SPEF2: variants seen among roughly 807,000 people sequenced by gnomAD.
The protein encoded by SPEF2 is sperm flagella and cilia-associated protein 2.
In SPEF2, 187 loss-of-function variants were observed where a neutral mutation model predicts 224.6. The ratio of observed to expected loss-of-function variants is 0.83; its 90% CI spans 0.74 to 0.94. The LOEUF (loss-of-function observed/expected upper bound fraction) is 0.94, where lower values mean the gene tolerates loss of function less well. Ranked by LOEUF, SPEF2 falls within the 40% of genes least tolerant of loss-of-function variation. The pLI is 0.00. For synonymous variants in SPEF2, 715 were observed against 707.3 expected (o/e 1.01, Z -0.17); for missense variants, 2,170 against 2,135.6 (o/e 1.02, Z -0.32).
In SPEF2 at chr5:35,814,339, A is replaced by C. The variant is rs1758708849; in HGVS notation, c.5380-125A>C. The C allele has an allele frequency of 1.1e-5, 5 of 468,750 alleles. No homozygotes were observed. The South Asian group carries it at 4.1e-4, about 38-fold the overall frequency. 29.0% of individuals were successfully genotyped at this position (468,750 alleles called of 1,614,324 possible). ...AAATGGAGAAATTTGCTCAGTGGAA[A>C]AAAAGAAATAAAAACTGTTTAATGG... On this transcript the variant is annotated intron_variant, in intron 36 of 36. Transcript: ENST00000356031.
chr5:35,655,190 G>T (rs1465892483), intron 7 of SPEF2, among the ~76,000 whole-genome samples: 1 of 152,136 alleles, frequency 6.6e-6, no homozygotes, highest in African/African-American at 2.4e-5. Flanking sequence ...CACCAGCATT[G>T]CTTGGGACTT....
In SPEF2 at chr5:35,704,580, C is replaced by T; in HGVS notation, c.2425C>T (p.His809Tyr). ...IAEELSYKTA[H>Y]EDISQRVAAE... is the part of the protein sequence containing the mutation. ...TGAAGAATTGTCCTATAAAACTGCT[C>T]ACGAAGATATCAGTCAACGTGTAGC... The change falls in exon 17 of 37, where the codon CAC (histidine) becomes TAC (tyrosine). Residue 809 changes from histidine to tyrosine, a missense_variant. Coordinates refer to ENST00000356031, the MANE Select transcript of SPEF2 (RefSeq NM_024867.4). 1 of 1,612,200 alleles carries T rather than the reference C, an allele frequency of 6.2e-7. No homozygotes were observed.
At chr5:35,689,849 T>G (rs1052444274) in intron 10 of SPEF2, among the ~76,000 whole-genome samples, 1 of 152,168 alleles carries the variant, frequency 6.6e-6, no homozygotes, top group Non-Finnish European at 1.5e-5. Context: ...TTTTTCCTAT[T>G]ATGTTACAAC....
intron 8 of SPEF2, among the ~76,000 whole-genome samples, chr5:35,665,626 A>G (rs1750365822): frequency 6.6e-6 from 1 of 151,342 alleles, no homozygotes; most frequent in African/African-American, 2.4e-5. Flanking sequence ...TAGTAAACCA[A>G]CCTCATGATC....
rs573695931 is a variant in SPEF2 at position 35,665,778 on chromosome 5, G to A, written c.1168-1294G>A. Among the ~76,000 whole-genome samples the A allele has an allele frequency of 1.6e-4, 25 of 151,936 alleles. No individual in the cohort carries two copies. In the South Asian group the frequency reaches 5.2e-3, roughly 32 times the overall value. ...TTGTACTCTTTCTCCATAAAAACAGGGTATACAGAATAATACAAGAATAAC... is the reference window on the plus strand; with the variant it reads ...TTGTACTCTTTCTCCATAAAAACAGAGTATACAGAATAATACAAGAATAAC... On this transcript the variant is annotated intron_variant, in intron 8 of 36. Coordinates refer to ENST00000356031, the MANE Select transcript of SPEF2 (RefSeq NM_024867.4).
At chr5:35,695,356 C>G (rs944841542) in intron 13 of SPEF2, among the ~76,000 whole-genome samples, 2 of 151,020 alleles carry the variant, frequency 1.3e-5, no homozygotes, top group African/African-American at 4.9e-5. Flanking sequence ...CTTGGTAATC[C>G]AGGAAAATAA....
In SPEF2 at chr5:35,704,666, A is replaced by G; in HGVS notation, c.2507+4A>G. 1.3e-6 allele frequency: 2 copies of G among 1,521,740 alleles called. No individual in the cohort carries two copies. The highest frequency in any genetic ancestry group is 1.8e-6 in the Non-Finnish European group (2 of 1,099,070). The allele number at this position is 1,521,740 out of a possible 1,614,324, so 94.3% of individuals were successfully genotyped here. On this transcript the variant is annotated splice_donor_region_variant and intron_variant, in intron 17 of 36. Transcript: ENST00000356031. Reference sequence around the variant, plus strand: ...TAAGAGACCAGATACAACATAGGTTAGTTTTTAACTAAATGCTCTGCTTCT... The same window carrying G: ...TAAGAGACCAGATACAACATAGGTTGGTTTTTAACTAAATGCTCTGCTTCT...
At chr5:35,619,568 T>C (rs1743200863) in intron 1 of SPEF2, among the ~76,000 whole-genome samples, 1 of 151,706 alleles carries the variant, frequency 6.6e-6, no homozygotes, top group African/African-American at 2.4e-5. Flanking sequence ...TCCCAGCTAC[T>C]TGGGAGGCTG....
At chr5:35,700,824 C>G in intron 16 of SPEF2, 72 bp downstream of exon 16, 2 of 1,468,044 alleles carry the variant, frequency 1.4e-6, no homozygotes, top group Non-Finnish European at 1.9e-6. Flanking sequence ...GTGAATACTC[C>G]CATTTACAAT....
At chr5:35,813,507 A>G (rs1157337140) in intron 36 of SPEF2, among the ~76,000 whole-genome samples, 1 of 152,176 alleles carries the variant, frequency 6.6e-6, no homozygotes, top group Non-Finnish European at 1.5e-5. Context: ...AAAATAAATA[A>G]TAAATGGAAG....
chr5:35,670,724 T>C (rs1048373508), intron 10 of SPEF2: 2 of 985,692 alleles, frequency 2.0e-6, no homozygotes, highest in African/African-American at 3.5e-5. Flanking sequence ...ACTGTGATTT[T>C]TAGAAGAACT....
chr5:35,806,714 C>A lies in SPEF2; in HGVS notation c.5018C>A (p.Ser1673Ter), dbSNP rs762493026. 5.0e-6 allele frequency: 8 copies of A among 1,612,298 alleles called. No individual in the cohort carries two copies. The highest frequency in any genetic ancestry group is 6.8e-6 in the Non-Finnish European group (8 of 1,179,596). ...CTTCATTTAACTTTGCAGACCTCCTCAACTGATGCAGGTCCAGCTGAGGAA... is the reference window on the plus strand; with the variant it reads ...CTTCATTTAACTTTGCAGACCTCCTAAACTGATGCAGGTCCAGCTGAGGAA... ...ASIPSAEKTS[S>*]TDAGPAEEFP... is the part of the protein sequence containing the mutation. Residue 1673 changes from serine (S) to a stop codon, truncating the protein, a stop_gained, in exon 35 of 37, where the codon TCA becomes TAA. Coordinates refer to ENST00000356031, the MANE Select transcript of SPEF2 (RefSeq NM_024867.4). LOFTEE classifies it high-confidence loss of function.
chr5:35,791,372 A>G (rs545371872), intron 30 of SPEF2: 1 of 152,332 alleles, frequency 6.6e-6, no homozygotes, highest in Admixed American at 6.5e-5. Flanking sequence ...TTTTAGAAGG[A>G]TTATTGCATT....
chr5:35,763,134 T>C (rs1024286784), intron 25 of SPEF2, among the ~76,000 whole-genome samples: 1 of 152,212 alleles, frequency 6.6e-6, no homozygotes, highest in Non-Finnish European at 1.5e-5. Context: ...AGAGAAGTGA[T>C]GCCCAGTTTC....
At chr5:35,725,702 T>A in intron 20 of SPEF2, among the ~76,000 whole-genome samples, 1 of 152,330 alleles carries the variant, frequency 6.6e-6, no homozygotes, top group East Asian at 1.9e-4. Flanking sequence ...AATCTACTGC[T>A]GTGTCACTTT....
intron 36 of SPEF2, chr5:35,807,993 T>A (rs933029449): frequency 5.6e-5 from 72 of 1,281,186 alleles, no homozygotes; most frequent in Non-Finnish European, 6.8e-5. Flanking sequence ...TGTATTGAAC[T>A]ACAAAGTGTT....
At chr5:35,634,666 TC>T (rs754986063) in intron 2 of SPEF2, among the ~76,000 whole-genome samples, 6 of 152,104 alleles carry the variant, frequency 3.9e-5, no homozygotes, top group Non-Finnish European at 8.8e-5. Flanking sequence ...CCTGTAGGTC[TC>T]TGAGGCTTTG....
Position 35,692,579 on chromosome 5 carries a change from T to A in SPEF2, c.1754T>A (p.Ile585Lys), listed in dbSNP as rs201663657. 7 of 1,609,032 alleles carry A rather than the reference T, an allele frequency of 4.4e-6. No homozygotes were observed. ...ILRSLQKDFP[I>K]QILSIDTLVQ... is the part of the protein sequence containing the mutation. ...ATCTTTTGTACTTTAGACTTTCCTA[T>A]ACAGATACTTTCTATTGACACTCTT... The change falls in exon 12 of 37, where the codon ATA (isoleucine) becomes AAA (lysine). Residue 585 changes from isoleucine (I) to lysine (K), a missense_variant. Physicochemically the swap from Ile to Lys is moderately radical, Grantham distance 102 (BLOSUM62 -3). Transcript: ENST00000356031.
At chr5:35,802,929 A>G (rs1483535642) in intron 34 of SPEF2, among the ~76,000 whole-genome samples, 1 of 152,206 alleles carries the variant, frequency 6.6e-6, no homozygotes, top group Non-Finnish European at 1.5e-5. Flanking sequence ...AGGAGAGACT[A>G]CAGACGGCAA....
Sources: gnomAD v4.1 joint callset for allele counts (sites outside exome capture counted in the v4.1 genomes callset) on GRCh38, gnomAD v4.1.1 for gene constraint, MANE v1.5 for transcripts, NCBI Gene and HGNC (gene_info 2026-07-23, HGNC 2026-07-21) for gene names.